TMEM132D: variants seen among roughly 807,000 people sequenced by gnomAD.
The protein encoded by TMEM132D is mature OL transmembrane protein.
A neutral mutation model predicts 62.3 loss-of-function variants in TMEM132D; 21 were observed. That is an observed-to-expected ratio of 0.34 (90% CI 0.24 to 0.49). TMEM132D has a LOEUF of 0.49. Ranked by LOEUF, TMEM132D falls within the 20% of genes least tolerant of loss-of-function variation. The pLI, the probability that TMEM132D is intolerant of heterozygous loss-of-function variation, is 0.99. For missense variants in TMEM132D, 1,346 were observed against 1,402.8 expected, an observed-to-expected ratio of 0.96 and a Z score of 0.65; for synonymous variants, 621 against 575.6, an observed-to-expected ratio of 1.08 and a Z score of -1.13.
At chr12:129,644,876 C>T (rs549205591) in intron 2 of TMEM132D, among the ~76,000 whole-genome samples, 72 of 147,070 alleles carry the variant, frequency 4.9e-4, no homozygotes, top group African/African-American at 1.8e-3. Flanking sequence ...GTCCCAGCTA[C>T]TCGGGAGGCT....
intron 2 of TMEM132D, among the ~76,000 whole-genome samples, chr12:129,641,091 G>A (rs1879630531): frequency 1.3e-5 from 2 of 152,016 alleles, no homozygotes; most frequent in Non-Finnish European, 2.9e-5. Context: ...ATACAAACAA[G>A]TGCACAATAA....
chr12:129,677,026 G>A (rs1386127825), intron 2 of TMEM132D, among the ~76,000 whole-genome samples: 1 of 152,166 alleles, frequency 6.6e-6, no homozygotes, highest in Non-Finnish European at 1.5e-5. Context: ...AGTATCATGT[G>A]AATGTACATA....
At chr12:129,318,202 G>T (rs1868549040) in intron 4 of TMEM132D, among the ~76,000 whole-genome samples, 1 of 152,126 alleles carries the variant, frequency 6.6e-6, no homozygotes. Context: ...GATTTTCGAA[G>T]GGGTATTGAA....
chr12:129,810,572 ACCCC>A (rs60005433), intron 1 of TMEM132D, among the ~76,000 whole-genome samples: 7,000 of 123,188 alleles, frequency 0.057, 320 homozygotes, highest in African/African-American at 0.15. Flanking sequence ...ACACACACAC[ACCCC>A]CCCACACTCT....
intron 2 of TMEM132D, among the ~76,000 whole-genome samples, chr12:129,604,200 G>GA (rs1878555962): frequency 6.6e-6 from 1 of 152,100 alleles, no homozygotes; most frequent in East Asian, 1.9e-4. Context: ...AGAGCACTAG[G>GA]AAAAAAACCT....
chr12:129,362,430 C>T (rs958127709), intron 3 of TMEM132D, among the ~76,000 whole-genome samples: 5 of 139,024 alleles, frequency 3.6e-5, no homozygotes, highest in Admixed American at 7.1e-5. Context: ...CGCCCACCCC[C>T]GTCTGAAAGT....
At chr12:129,789,511 G>A (rs1292100024) in intron 1 of TMEM132D, among the ~76,000 whole-genome samples, 1 of 152,164 alleles carries the variant, frequency 6.6e-6, no homozygotes, top group African/African-American at 2.4e-5. Flanking sequence ...TAAGTCAAAT[G>A]CAGTATATGC....
At chr12:129,264,706 G>T (rs1347686247) in intron 4 of TMEM132D, among the ~76,000 whole-genome samples, 3 of 152,154 alleles carry the variant, frequency 2.0e-5, no homozygotes, top group African/African-American at 7.2e-5. Flanking sequence ...AGAAATTGTG[G>T]TATATATATG....
intron 3 of TMEM132D, among the ~76,000 whole-genome samples, chr12:129,487,619 T>G (rs930365526): frequency 6.6e-6 from 1 of 151,814 alleles, no homozygotes; most frequent in African/African-American, 2.4e-5. Flanking sequence ...TCTTAAGAGG[T>G]GGGGCCTTTT....
rs373512079 is a variant in TMEM132D at position 129,206,117 on chromosome 12, G to T, written c.1443+3403C>A. Among the ~76,000 whole-genome samples, 71 of 152,222 alleles carry T rather than the reference G, an allele frequency of 4.7e-4. 1 individual carries two copies. The highest frequency in any genetic ancestry group is 3.7e-3 in the South Asian group (18 of 4,830). On this transcript the variant is annotated intron_variant, in intron 5 of 8. Coordinates refer to ENST00000422113, the MANE Select transcript of TMEM132D (RefSeq NM_133448.3). ...AATTGACAAACAGGATCTAATTAAA[G>T]TTAAGAGCATCTGCAGAGCAAAGGA...
chr12:129,663,295 C>T (rs543029279), intron 2 of TMEM132D, among the ~76,000 whole-genome samples: 7 of 152,198 alleles, frequency 4.6e-5, no homozygotes, highest in Non-Finnish European at 1.0e-4. Flanking sequence ...TGTGCCACCA[C>T]GTCCAGCTAA....
rs34775349 is a variant in TMEM132D, at chr12:129,299,420, C to CTTT, written c.1299+38211_1299+38213dup. ...CTCTTTTCTGTTTCACATAGTTGAA[C>CTTT]TTTTTTTTTTTTTTTTTTGCCAATT... On this transcript the variant is annotated intron_variant, in intron 4 of 8. Coordinates refer to ENST00000422113, the MANE Select transcript of TMEM132D (RefSeq NM_133448.3). Among the ~76,000 whole-genome samples, 559 of 127,620 alleles carry CTTT rather than the reference C, an allele frequency of 4.4e-3. 8 individuals are homozygous for CTTT. The highest frequency in any genetic ancestry group is 0.015 in the African/African-American group (516 of 34,162). The allele number at this position is 127,620 out of a possible 152,430, so 83.7% of individuals were successfully genotyped here.
chr12:129,210,938 T>C (rs1879026729), intron 4 of TMEM132D: 1 of 152,358 alleles, frequency 6.6e-6, no homozygotes, highest in East Asian at 1.9e-4. Context: ...AGCACACCCA[T>C]GCTCATCCTC....
intron 4 of TMEM132D, among the ~76,000 whole-genome samples, chr12:129,226,923 TG>T (rs1310255521): frequency 1.3e-5 from 2 of 152,186 alleles, no homozygotes; most frequent in African/African-American, 2.4e-5. Flanking sequence ...CTGAGCCGCC[TG>T]AAGAAATCTC....
chr12:129,456,983 C>G (rs1416664710), intron 3 of TMEM132D, among the ~76,000 whole-genome samples: 1 of 152,156 alleles, frequency 6.6e-6, no homozygotes, highest in African/African-American at 2.4e-5. Context: ...CACTTTTACA[C>G]TGTTGGTGGG....
intron 4 of TMEM132D, among the ~76,000 whole-genome samples, chr12:129,228,526 C>G (rs777684191): frequency 6.6e-6 from 1 of 152,152 alleles, no homozygotes; most frequent in East Asian, 1.9e-4. Context: ...TCACTACCAC[C>G]GTGCTTCAGC....
rs145614804 is a variant in TMEM132D at position 129,730,862 on chromosome 12, C to T, written c.80-30164G>A. Among the ~76,000 whole-genome samples, 77 of 151,998 alleles carry T rather than the reference C, an allele frequency of 5.1e-4. No individual in the cohort carries two copies. In the East Asian group the frequency reaches 0.014, roughly 27 times the overall value. On this transcript the variant is annotated intron_variant, in intron 1 of 8. Transcript: ENST00000422113. ...CCAAGTTCTTCAGCTTTTGGGCTCTCGGACCTTCAACCACAGACTGAAGGC... is the reference window on the plus strand; with the variant it reads ...CCAAGTTCTTCAGCTTTTGGGCTCTTGGACCTTCAACCACAGACTGAAGGC...
chr12:129,389,503 G>T (rs1047472669), intron 3 of TMEM132D, among the ~76,000 whole-genome samples: 1 of 151,298 alleles, frequency 6.6e-6, no homozygotes, highest in Non-Finnish European at 1.5e-5. Flanking sequence ...CAAATGCTAT[G>T]TCCCAACACT....
intron 5 of TMEM132D, among the ~76,000 whole-genome samples, chr12:129,201,772 G>T (rs1008733747): frequency 1.1e-4 from 16 of 152,130 alleles, no homozygotes; most frequent in African/African-American, 3.4e-4. Flanking sequence ...ATTGGGGGTA[G>T]GGGGAGAAAG....
Sources: allele counts gnomAD v4.1 joint callset (sites outside exome capture counted in the v4.1 genomes callset), GRCh38; gene constraint gnomAD v4.1.1; transcripts MANE v1.5; gene names NCBI Gene and HGNC (gene_info 2026-07-23, HGNC 2026-07-21).